KLF8: variants seen among roughly 807,000 people sequenced by gnomAD.
The protein encoded by KLF8 is Krueppel-like factor 8.
KLF8 carries 10 observed loss-of-function variants against 18.2 expected under a neutral mutation model. The ratio of observed to expected loss-of-function variants is 0.55; its 90% CI spans 0.34 to 0.93. KLF8 has a LOEUF of 0.93. KLF8 is among the 40% of genes least tolerant of loss of function. The pLI is 0.02. For missense variants in KLF8, 264 were observed against 277.9 expected (o/e 0.95, Z 0.36); for synonymous variants, 109 against 97.3 (o/e 1.12, Z -0.71).
chrX:56,288,947 T>C lies in KLF8; in HGVS notation c.*4453T>C, dbSNP rs1342569522. Among the ~76,000 whole-genome samples, 1 of 111,793 alleles carries C rather than the reference T, an allele frequency of 8.9e-6. No individual in the cohort carries two copies. Among genetic ancestry groups the C allele is most frequent in the Non-Finnish European group, 1.9e-5 (1 of 53,183 alleles). ...TGTACTCTTTTTTTCCTCCCCTCCATACTGTACTCTCTGAAAGGAAATCAC... is the reference window on the plus strand; with the variant it reads ...TGTACTCTTTTTTTCCTCCCCTCCACACTGTACTCTCTGAAAGGAAATCAC... On this transcript the variant is annotated 3_prime_UTR_variant, in exon 6 of 6. Coordinates refer to ENST00000468660, the MANE Select transcript of KLF8 (RefSeq NM_007250.5).
In KLF8 at chrX:56,269,239, C is replaced by T. The variant is rs745779896; in HGVS notation, c.647-139C>T. ...ATTCTCTTCCTTCCATGCAAATACACTTCTTTCATCTTGTTTTTTATTTCT... is the reference window on the plus strand; with the variant it reads ...ATTCTCTTCCTTCCATGCAAATACATTTCTTTCATCTTGTTTTTTATTTCT... On this transcript the variant is annotated intron_variant, in intron 3 of 5. Coordinates refer to ENST00000468660, the MANE Select transcript of KLF8 (RefSeq NM_007250.5). 6 of 1,038,607 alleles carry T rather than the reference C, an allele frequency of 5.8e-6. No homozygotes were observed. The East Asian group carries it at 1.1e-4, about 19-fold the overall frequency. 85.6% of individuals were successfully genotyped at this position (1,038,607 alleles called of 1,213,427 possible).
chrX:55,962,141 T>C, the KLF8 span: 1 of 151,007 alleles, frequency 6.6e-6, no homozygotes, highest in Admixed American at 8.2e-5. Flanking sequence ...CCATGTATTA[T>C]AATCCTCCCC....
the KLF8 span, among the ~76,000 whole-genome samples, chrX:55,949,657 G>C: frequency 9.1e-6 from 1 of 109,598 alleles, no homozygotes; most frequent in African/African-American, 3.3e-5. Context: ...TGGGCATGGT[G>C]GTGGGCGCCT....
At chrX:56,200,506 C>T in the KLF8 span, among the ~76,000 whole-genome samples, 1 of 110,072 alleles carries the variant, frequency 9.1e-6, no homozygotes, top group Non-Finnish European at 1.9e-5. Flanking sequence ...AGAAAGAATC[C>T]ATAAAAATCC....
At chrX:56,041,852 G>A in the KLF8 span, among the ~76,000 whole-genome samples, 13 of 111,548 alleles carry the variant, frequency 1.2e-4, no homozygotes, top group African/African-American at 4.2e-4. Flanking sequence ...ACAACACTCA[G>A]CTAACTTTTG....
the KLF8 span, among the ~76,000 whole-genome samples, chrX:56,081,112 G>T: frequency 9.0e-6 from 1 of 111,244 alleles, no homozygotes; most frequent in Non-Finnish European, 1.9e-5. Context: ...CCTTAGCTCA[G>T]AGTAATTTGA....
chrX:55,962,055 G>C, the KLF8 span: 1 of 155,563 alleles, frequency 6.4e-6, no homozygotes, highest in African/African-American at 3.2e-5. Context: ...AAGTGTGTGG[G>C]AGCCTTCACT....
At chrX:55,990,900 G>A in the KLF8 span, among the ~76,000 whole-genome samples, 1 of 112,103 alleles carries the variant, frequency 8.9e-6, no homozygotes, top group Non-Finnish European at 1.9e-5. Flanking sequence ...TGAGGTGTCA[G>A]TCTGCCCCTA....
chrX:56,194,136 C>T, the KLF8 span, among the ~76,000 whole-genome samples: 4 of 110,635 alleles, frequency 3.6e-5, no homozygotes, highest in African/African-American at 1.3e-4. Context: ...GGCTGCAGCT[C>T]CCAGCGTGAT....
chrX:56,000,150 A>C, the KLF8 span, among the ~76,000 whole-genome samples: 1 of 110,590 alleles, frequency 9.0e-6, no homozygotes. Flanking sequence ...ACATTTATTG[A>C]CTTCGATGTG....
the KLF8 span, among the ~76,000 whole-genome samples, chrX:56,022,875 C>A: frequency 9.0e-6 from 1 of 110,997 alleles, no homozygotes; most frequent in African/African-American, 3.3e-5. Flanking sequence ...GTGAATAGAC[C>A]ATTCCATGGA....
the KLF8 span, among the ~76,000 whole-genome samples, chrX:55,990,110 C>T: frequency 9.0e-6 from 1 of 111,330 alleles, no homozygotes; most frequent in African/African-American, 3.3e-5. Flanking sequence ...CTTTATTAGT[C>T]TTGCTAGTGA....
At chrX:56,264,353 G>T (rs66908559) in intron 2 of KLF8, among the ~76,000 whole-genome samples, 13,991 of 107,214 alleles carry the variant, frequency 0.13, 1,684 homozygotes, top group African/African-American at 0.38. Flanking sequence ...GTATTTATTG[G>T]TTTTTTAAAC....
the KLF8 span, among the ~76,000 whole-genome samples, chrX:56,034,848 C>T: frequency 2.0e-4 from 20 of 102,050 alleles, no homozygotes; most frequent in East Asian, 6.1e-4. Context: ...CTCCGCCTCC[C>T]GGGTTCACGC....
the KLF8 span, among the ~76,000 whole-genome samples, chrX:56,131,541 A>G: frequency 8.5e-4 from 95 of 111,582 alleles, no homozygotes; most frequent in Non-Finnish European, 1.4e-3. Flanking sequence ...AACCTCTTTA[A>G]AGCATGAATC....
At chrX:56,161,631 G>C in the KLF8 span, among the ~76,000 whole-genome samples, 1 of 111,273 alleles carries the variant, frequency 9.0e-6, no homozygotes, top group Non-Finnish European at 1.9e-5. Context: ...GGTCCTTTAA[G>C]CACTTCTCTG....
Position 56,269,472 on chromosome X carries a change from G to A in KLF8, c.741G>A (p.Leu247=), listed in dbSNP as rs777498127. 8.3e-7 allele frequency: 1 copy of A among 1,203,805 alleles called. No individual in the cohort carries two copies. Among genetic ancestry groups the A allele is most frequent in the Non-Finnish European group, 1.1e-6 (1 of 891,565 alleles). ...GTGGATCCTCAGCCTTGCAGAGTCT[G>A]CAGGGACTACAGCAAGAGTGAGTAC... ...IESGSSALQS[L]QGLQQEPAAM... The change falls in exon 4 of 6, where the codon CTG becomes CTA. Residue 247 remains leucine, a synonymous_variant. Transcript: ENST00000468660.
chrX:56,165,195 T>C, the KLF8 span, among the ~76,000 whole-genome samples: 3 of 111,228 alleles, frequency 2.7e-5, no homozygotes, highest in South Asian at 7.6e-4. Context: ...AAAATACTTC[T>C]TTTAGTTCTG....
At chrX:56,085,129 GA>G in the KLF8 span, among the ~76,000 whole-genome samples, 1 of 111,898 alleles carries the variant, frequency 8.9e-6, no homozygotes, top group African/African-American at 3.2e-5. Context: ...AGAAACACTT[GA>G]AAATGAGCTT....
Sources: allele counts gnomAD v4.1 joint callset (sites outside exome capture counted in the v4.1 genomes callset), GRCh38; gene constraint gnomAD v4.1.1; transcripts MANE v1.5; gene names NCBI Gene and HGNC (gene_info 2026-07-23, HGNC 2026-07-21).